The following IL1A variants were observed in gnomAD, a reference collection of about 807,000 sequenced individuals.
IL1A encodes interleukin 1 alpha.
A neutral mutation model predicts 22.2 loss-of-function variants in IL1A; 16 were observed. The ratio of observed to expected loss-of-function variants is 0.72; its 90% CI spans 0.49 to 1.09. IL1A has a LOEUF of 1.09. IL1A is among the 50% of genes least tolerant of loss of function. The pLI, the probability that IL1A is intolerant of heterozygous loss-of-function variation, is 0.00. For synonymous variants in IL1A, 113 were observed against 118.5 expected, an observed-to-expected ratio of 0.95 and a Z score of 0.30; for missense variants, 317 against 321.8, an observed-to-expected ratio of 0.99 and a Z score of 0.11.
chr2:112,780,891 G>A (rs924627749), intron 4 of IL1A, among the ~76,000 whole-genome samples: 2 of 151,728 alleles, frequency 1.3e-5, no homozygotes, highest in Non-Finnish European at 3.0e-5. Flanking sequence ...ACAGTGGCGG[G>A]TGCCTGTATT....
intron 3 of IL1A, among the ~76,000 whole-genome samples, chr2:112,782,088 A>C (rs1486970030): frequency 6.6e-6 from 1 of 152,236 alleles, no homozygotes; most frequent in Non-Finnish European, 1.5e-5. Flanking sequence ...TAAATAGGTT[A>C]ACAATGATTG....
rs565563343 is a variant in IL1A, at chr2:112,781,877, A to C, written c.97-51T>G. 1.8e-5 allele frequency: 24 copies of C among 1,348,658 alleles called. No homozygotes were observed. The Admixed American group carries it at 4.0e-4, about 23-fold the overall frequency. 83.5% of individuals were successfully genotyped at this position (1,348,658 alleles called of 1,614,324 possible). A position where few individuals can be genotyped will look rare whatever the true frequency, so the allele number is the denominator to read the frequency against. Reference sequence around the variant, plus strand: ...AGAGGCTGTTCATGGTCAGGGAATGAAAGTTCTTTCAGTAGGTGCTGTATT... The same window carrying C: ...AGAGGCTGTTCATGGTCAGGGAATGCAAGTTCTTTCAGTAGGTGCTGTATT... On this transcript the variant is annotated intron_variant, in intron 3 of 6. Coordinates refer to ENST00000263339, the MANE Select transcript of IL1A (RefSeq NM_000575.5).
intron 5 of IL1A, among the ~76,000 whole-genome samples, chr2:112,778,458 C>T (rs1216128629): frequency 6.6e-6 from 1 of 152,106 alleles, no homozygotes; most frequent in East Asian, 1.9e-4. Flanking sequence ...ATCATAAGTT[C>T]ATAATGACCT....
intron 5 of IL1A, 83 bp from the exon 6 acceptor site, chr2:112,778,194 G>A (rs1681133455): frequency 1.1e-5 from 1 of 88,878 alleles, no homozygotes; most frequent in Admixed American, 1.8e-4. Flanking sequence ...TGTGTGCATG[G>A]TGTGTGTGTG....
At chr2:112,782,857 A>G (rs1681238576) in intron 2 of IL1A, 93 bp from the exon 3 acceptor site, 4 of 848,200 alleles carry the variant, frequency 4.7e-6, no homozygotes, top group Admixed American at 1.9e-5. Context: ...TGTGGGTCAC[A>G]CACATACACA....
intron 4 of IL1A, among the ~76,000 whole-genome samples, chr2:112,780,879 G>A (rs1681185940): frequency 6.6e-6 from 1 of 152,086 alleles, no homozygotes; most frequent in Non-Finnish European, 1.5e-5. Flanking sequence ...AATTAGCCGG[G>A]AACAGTGGCG....
intron 2 of IL1A, among the ~76,000 whole-genome samples, chr2:112,782,975 AGCTTTACCTGT>A (rs1197275745): frequency 6.6e-6 from 1 of 152,224 alleles, no homozygotes; most frequent in Non-Finnish European, 1.5e-5. Context: ...ACAGGCTTTG[AGCTTTACCTGT>A]GCTTTATCTG....
At chr2:112,777,140 T>C (rs1346681736) in intron 6 of IL1A, among the ~76,000 whole-genome samples, 1 of 151,818 alleles carries the variant, frequency 6.6e-6, no homozygotes, top group African/African-American at 2.4e-5. Flanking sequence ...TGCTCTTTTG[T>C]TGGTTGTTTG....
chr2:112,783,796 A>G lies in IL1A; in HGVS notation c.-8-18T>C. 2 of 1,611,364 alleles carry G rather than the reference A, an allele frequency of 1.2e-6. No individual in the cohort carries two copies. Among genetic ancestry groups the G allele is most frequent in the Non-Finnish European group, 1.7e-6 (2 of 1,177,436 alleles). ...CTTGACTTCTGCAACAGAGAACACC[A>G]GCCACCATCAGCTCAGCCAGCCTCT... is the stretch of plus-strand genomic sequence containing the variant. On this transcript the variant is annotated intron_variant, in intron 1 of 6. Transcript: ENST00000263339.
At chr2:112,778,347 A>T (rs1681137530) in intron 5 of IL1A, among the ~76,000 whole-genome samples, 1 of 152,228 alleles carries the variant, frequency 6.6e-6, no homozygotes, top group Non-Finnish European at 1.5e-5. Context: ...TACTTGGTTA[A>T]TGTTCTTAGA....
chr2:112,777,867 G>C (rs879467568), intron 6 of IL1A, 120 bp downstream of exon 6: 4 of 1,004,530 alleles, frequency 4.0e-6, no homozygotes, highest in Admixed American at 2.2e-5. Context: ...TGGGCAGGTG[G>C]GGGCTGTGGT....
chr2:112,782,842 A>G (rs1246342019), intron 2 of IL1A, 78 bp from the exon 3 acceptor site: 5 of 1,089,618 alleles, frequency 4.6e-6, no homozygotes, highest in Admixed American at 3.4e-5. Flanking sequence ...AATGACCATG[A>G]TAGTTGTGGG....
chr2:112,779,405 T>C, intron 5 of IL1A, 91 bp downstream of exon 5: 1 of 1,069,980 alleles, frequency 9.3e-7, no homozygotes, highest in East Asian at 2.6e-5. Context: ...TGAAGAGGTA[T>C]GTTTTTTGCA....
Position 112,775,162 on chromosome 2 carries a change from T to A in IL1A, c.721A>T (p.Asn241Tyr). The part of the protein sequence containing the change: ...KNYFTSVAHP[N>Y]LFIATKQDYW... ...TCTTGCTTTGTGGCAATAAACAAGT[T>A]TGGATGGGCAACTGATGTGAAATAG... is the stretch of plus-strand genomic sequence containing the variant. The change falls in exon 7 of 7, where the codon AAC (asparagine) becomes TAC (tyrosine). Residue 241 changes from asparagine (N) to tyrosine (Y), a missense_variant. By Grantham distance (143) the Asn-to-Tyr change is moderately radical. Transcript: ENST00000263339. The A allele has an allele frequency of 6.2e-7, 1 of 1,614,146 alleles. No homozygotes were observed. Among genetic ancestry groups the A allele is most frequent in the Non-Finnish European group, 8.5e-7 (1 of 1,180,016 alleles).
chr2:112,782,526 A>T (rs1301601979), intron 3 of IL1A, among the ~76,000 whole-genome samples, 190 bp downstream of exon 3: 1 of 152,236 alleles, frequency 6.6e-6, no homozygotes, highest in Non-Finnish European at 1.5e-5. Flanking sequence ...CTGTTCTGGG[A>T]GAAGCCAATG....
In IL1A at chr2:112,774,932, G is replaced by A; in HGVS notation, c.*135C>T. 1.5e-6 allele frequency: 1 copy of A among 663,736 alleles called. No individual in the cohort carries two copies. Among genetic ancestry groups the A allele is most frequent in the Non-Finnish European group, 2.6e-6 (1 of 378,330 alleles). The allele number at this position is 663,736 out of a possible 1,614,324, so 41.1% of individuals were successfully genotyped here. A position where few individuals can be genotyped will look rare whatever the true frequency, so the allele number is the denominator to read the frequency against. ...TGTTGGTTCCACTCTTACAAAGAGT[G>A]TAAACATTCATTTAGAATTACAAGG... On this transcript the variant is annotated 3_prime_UTR_variant, in exon 7 of 7. Transcript: ENST00000263339.
Position 112,779,522 on chromosome 2 carries a change from G to A in IL1A, c.464C>T (p.Ala155Val), listed in dbSNP as rs949243284. 2.5e-6 allele frequency: 4 copies of A among 1,596,964 alleles called. No homozygotes were observed. Among genetic ancestry groups the A allele is most frequent in the Non-Finnish European group, 3.4e-6 (4 of 1,166,718 alleles). The part of the protein sequence containing the change: ...IRANDQYLTA[A>V]ALHNLDEAVK... ...TGCTTCATCCAGATTATGTAATGCA[G>A]CAGCCGTGAGGTACTGATCATTGGC... is the stretch of plus-strand genomic sequence containing the variant. Residue 155 changes from alanine to valine, a missense_variant, in exon 5 of 7, where the codon GCT (alanine) becomes GTT (valine). Ala to Val is a moderately conservative substitution (Grantham distance 64, BLOSUM62 0). Coordinates refer to ENST00000263339, the MANE Select transcript of IL1A (RefSeq NM_000575.5).
At chr2:112,776,484 C>A (rs1266284832) in intron 6 of IL1A, among the ~76,000 whole-genome samples, 3 of 117,336 alleles carry the variant, frequency 2.6e-5, no homozygotes, top group African/African-American at 1.0e-4. Flanking sequence ...ACCCAAAAAC[C>A]CACAACCACG....
chr2:112,784,033 A>G (rs986047491), intron 1 of IL1A, among the ~76,000 whole-genome samples: 5 of 152,260 alleles, frequency 3.3e-5, no homozygotes, highest in Admixed American at 3.3e-4. Flanking sequence ...TATTGCCAGA[A>G]CAGGCATTCA....
Sources: gnomAD v4.1 joint callset for allele counts (sites outside exome capture counted in the v4.1 genomes callset) on GRCh38, gnomAD v4.1.1 for gene constraint, MANE v1.5 for transcripts, NCBI Gene and HGNC (gene_info 2026-07-23, HGNC 2026-07-21) for gene names.